Variants in DSE observed in about 807,000 individuals in gnomAD.
DSE encodes the protein dermatan sulfate epimerase, also known as dermatan-sulfate epimerase.
A neutral mutation model predicts 84.4 loss-of-function variants in DSE; 36 were observed. The observed-to-expected ratio is 0.43, with a 90% CI of 0.33 to 0.56. The LOEUF (loss-of-function observed/expected upper bound fraction) is 0.56. DSE is among the 20% of genes least tolerant of loss of function. DSE has a pLI of 0.06. For missense variants in DSE, 862 were observed against 1,169.6 expected (o/e 0.74, Z 3.84); for synonymous variants, 410 against 430.1 (o/e 0.95, Z 0.58).
intron 1 of DSE, among the ~76,000 whole-genome samples, chr6:116,377,982 G>A (rs777099372): frequency 1.3e-5 from 2 of 152,106 alleles, no homozygotes; most frequent in African/African-American, 4.8e-5. Context: ...GGTATGAATG[G>A]GGGCAGGCTC....
intron 2 of DSE, among the ~76,000 whole-genome samples, chr6:116,310,770 C>T (rs6926908): frequency 0.22 from 32,725 of 152,124 alleles, 4,682 homozygotes; most frequent in African/African-American, 0.41. Flanking sequence ...ACTGATCCTC[C>T]TCATAGTCTC....
At chr6:116,367,277 T>C (rs1252379531), upstream of DSE, 1 of 152,222 alleles carries the variant, frequency 6.6e-6, no homozygotes, top group East Asian at 1.9e-4. Context: ...ACTTCTTCTG[T>C]GATCTGAAGA....
At chr6:116,261,807 G>C (rs1772426345) in intron 2 of DSE, among the ~76,000 whole-genome samples, 1 of 152,184 alleles carries the variant, frequency 6.6e-6, no homozygotes, top group East Asian at 1.9e-4. Context: ...TAACATGAAG[G>C]AGTGTTGAAT....
intron 2 of DSE, among the ~76,000 whole-genome samples, chr6:116,353,995 A>C (rs1052235526): frequency 6.6e-6 from 1 of 152,230 alleles, no homozygotes; most frequent in Non-Finnish European, 1.5e-5. Context: ...ATGCCTATCT[A>C]CTTTTAAAGA....
At chr6:116,420,151 AGT>A (rs1782977719) in intron 2 of DSE, among the ~76,000 whole-genome samples, 1 of 152,200 alleles carries the variant, frequency 6.6e-6, no homozygotes, top group African/African-American at 2.4e-5. Context: ...AATAAGTATG[AGT>A]GATCTCTTGG....
At chr6:116,277,553 C>T (rs370436402) in intron 2 of DSE, 2 of 152,204 alleles carry the variant, frequency 1.3e-5, no homozygotes, top group South Asian at 4.1e-4. Context: ...AGCTCTAGCA[C>T]TCTATTTTAC....
intron 1 of DSE, among the ~76,000 whole-genome samples, chr6:116,383,524 C>T (rs1178204810): frequency 1.3e-5 from 2 of 152,140 alleles, no homozygotes; most frequent in East Asian, 3.9e-4. Flanking sequence ...ATATAGACTC[C>T]GCATTAAACA....
chr6:116,443,415 T>TG lies in DSE; in HGVS notation c.*6071dup, dbSNP rs1784488252. The TG allele has an allele frequency of 6.6e-6, 1 of 152,296 alleles. No homozygotes were observed. Among genetic ancestry groups the TG allele is most frequent in the Non-Finnish European group, 1.5e-5 (1 of 68,034 alleles). 9.4% of individuals were successfully genotyped at this position (152,296 alleles called of 1,614,324 possible). A position where few individuals can be genotyped will look rare whatever the true frequency, so the allele number is the denominator to read the frequency against. On this transcript the variant is annotated 3_prime_UTR_variant, in exon 6 of 6. Coordinates refer to ENST00000644252, the MANE Select transcript of DSE (RefSeq NM_013352.4). ...TGCCATTTGTGTTTTCAGCTTGCCTTGTTCAGGGACTTCACATAGAATGGT... is the reference window on the plus strand; with the variant it reads ...TGCCATTTGTGTTTTCAGCTTGCCTTGGTTCAGGGACTTCACATAGAATGGT...
intron 2 of DSE, among the ~76,000 whole-genome samples, chr6:116,407,071 G>A (rs1479156901): frequency 6.6e-6 from 1 of 152,138 alleles, no homozygotes; most frequent in African/African-American, 2.4e-5. Flanking sequence ...TCAGATATAG[G>A]ACACTCTTTC....
At position 116,437,069 on chromosome 6, in the gene DSE, C is replaced by T. The variant is rs535021192; in HGVS notation, c.2601C>T (p.Tyr867=). ...TTTTAGATTTTGCAGATGTAACATA[C>T]GAGAAACATAAAAATGGGGGCTTGA... The part of the protein sequence containing the change: ...KDLLDFADVT[Y]EKHKNGGLIK... Residue 867 remains tyrosine (Y), a synonymous_variant, in exon 6 of 6, where the codon TAC becomes TAT. Coordinates refer to ENST00000644252, the MANE Select transcript of DSE (RefSeq NM_013352.4). 215 of 1,613,814 alleles carry T rather than the reference C, an allele frequency of 1.3e-4. No homozygotes were observed. The highest frequency in any genetic ancestry group is 1.7e-4 in the Non-Finnish European group (198 of 1,180,026).
chr6:116,308,539 T>G (rs1775481145), intron 2 of DSE, among the ~76,000 whole-genome samples: 1 of 152,202 alleles, frequency 6.6e-6, no homozygotes, highest in South Asian at 2.1e-4. Context: ...GGCTTTTTAA[T>G]GAGAAAGATC....
upstream of DSE, chr6:116,367,346 A>G (rs556108844): frequency 6.6e-6 from 1 of 152,270 alleles, no homozygotes; most frequent in Non-Finnish European, 1.5e-5. Context: ...TTTTGGCCTG[A>G]GGAAGAAAAA....
At chr6:116,419,029 C>T (rs1659381778) in intron 2 of DSE, among the ~76,000 whole-genome samples, 2 of 152,338 alleles carry the variant, frequency 1.3e-5, no homozygotes, top group East Asian at 3.9e-4. Context: ...CTTCACAATG[C>T]CAGTGCTAAC....
chr6:116,431,324 A>C, intron 4 of DSE, 131 bp downstream of exon 4: 1 of 1,283,208 alleles, frequency 7.8e-7, no homozygotes, highest in Non-Finnish European at 1.0e-6. Flanking sequence ...AGATTTTTTT[A>C]ATCAAAGAAA....
intron 2 of DSE, among the ~76,000 whole-genome samples, chr6:116,282,242 T>A (rs1042157994): frequency 2.2e-4 from 33 of 152,250 alleles, no homozygotes; most frequent in Non-Finnish European, 4.7e-4. Context: ...TAAAAAGGAA[T>A]ATTGGAACTT....
At chr6:116,334,770 T>C (rs1777143466) in intron 2 of DSE, among the ~76,000 whole-genome samples, 1 of 151,578 alleles carries the variant, frequency 6.6e-6, no homozygotes, top group Non-Finnish European at 1.5e-5. Flanking sequence ...AAGACATGAG[T>C]GCAGCCAACA....
chr6:116,407,047 T>C (rs1326457958), intron 2 of DSE, among the ~76,000 whole-genome samples: 1 of 152,184 alleles, frequency 6.6e-6, no homozygotes, highest in African/African-American at 2.4e-5. Flanking sequence ...ACTGAAAATC[T>C]ACACAGAGAT....
intron 1 of DSE, among the ~76,000 whole-genome samples, chr6:116,396,837 G>A (rs1303573546): frequency 6.6e-6 from 1 of 152,194 alleles, no homozygotes; most frequent in Non-Finnish European, 1.5e-5. Flanking sequence ...TGCCTGGGTG[G>A]GAGTGTGGTT....
intron 2 of DSE, among the ~76,000 whole-genome samples, chr6:116,310,811 A>G (rs1486756867): frequency 6.6e-6 from 1 of 152,194 alleles, no homozygotes; most frequent in Non-Finnish European, 1.5e-5. Context: ...CAAGCTTTCT[A>G]AACATAAAAT....
Sources: allele counts gnomAD v4.1 joint callset (sites outside exome capture counted in the v4.1 genomes callset), GRCh38; gene constraint gnomAD v4.1.1; transcripts MANE v1.5; gene names NCBI Gene and HGNC (gene_info 2026-07-23, HGNC 2026-07-21).